The following CORO1C variants were observed in gnomAD, a reference collection of about 807,000 sequenced individuals.
CORO1C encodes coronin-1C.
A neutral mutation model predicts 51.2 loss-of-function variants in CORO1C; 14 were observed. The ratio of observed to expected loss-of-function variants is 0.27; its 90% confidence interval spans 0.18 to 0.43. CORO1C has a LOEUF of 0.43. CORO1C is among the 20% of genes least tolerant of loss of function. CORO1C has a pLI of 1.00. For missense variants in CORO1C, 417 were observed against 607.8 expected (o/e 0.69, Z 3.30); for synonymous variants, 181 against 210.5 (o/e 0.86, Z 1.21).
intron 2 of CORO1C, among the ~76,000 whole-genome samples, chr12:108,690,305 A>C (rs1349037994): frequency 1.3e-5 from 2 of 152,230 alleles, no homozygotes; most frequent in Admixed American, 6.5e-5. Flanking sequence ...GCTCTGGAAT[A>C]AACCCTACAG....
chr12:108,702,822 C>T, intron 1 of CORO1C: 2 of 1,532,232 alleles, frequency 1.3e-6, no homozygotes, highest in Non-Finnish European at 1.7e-6. Flanking sequence ...TGAAAGTGGC[C>T]TCTCTCCAAT....
At chr12:108,708,130 A>ACACT (rs1466626239) in intron 1 of CORO1C, among the ~76,000 whole-genome samples, 1 of 152,234 alleles carries the variant, frequency 6.6e-6, no homozygotes, top group Non-Finnish European at 1.5e-5. Flanking sequence ...TCCTAGGTAT[A>ACACT]CACTCATAAG....
At chr12:108,677,239 CAGCCTA>C (rs996012778) in intron 3 of CORO1C, among the ~76,000 whole-genome samples, 55 of 152,318 alleles carry the variant, frequency 3.6e-4, no homozygotes, top group African/African-American at 1.3e-3. Flanking sequence ...CTAACCTTTT[CAGCCTA>C]CTTTGGGCTA....
Position 108,701,144 on chromosome 12 carries a change from G to A in CORO1C, c.175C>T (p.Leu59Phe), listed in dbSNP as rs771485925. The change falls in exon 2 of 11, where the codon CTT becomes TTT. Residue 59 changes from leucine (L) to phenylalanine (F), a missense_variant. Coordinates refer to ENST00000261401, the MANE Select transcript of CORO1C (RefSeq NM_014325.4). Reference sequence around the variant, plus strand: ...CCTACCTTGTGCAGAGGGAGGACAAGGAACGCTCCTCCCCCACTTGCCTCT... The same window carrying A: ...CCTACCTTGTGCAGAGGGAGGACAAAGAACGCTCCTCCCCCACTTGCCTCT... ...IIEASGGGAF[L>F]VLPLHKTGRI... The A allele has an allele frequency of 1.2e-5, 20 of 1,614,142 alleles. No homozygotes were observed. In the South Asian group the frequency reaches 2.2e-4, roughly 18 times the overall value.
At chr12:108,689,052 T>C (rs1371468907) in intron 2 of CORO1C, among the ~76,000 whole-genome samples, 1 of 136,426 alleles carries the variant, frequency 7.3e-6, no homozygotes, top group African/African-American at 2.8e-5. Flanking sequence ...AAAAAAAAAT[T>C]AGCCGGGCAT....
chr12:108,709,386 C>A (rs1478373185), intron 1 of CORO1C, among the ~76,000 whole-genome samples: 1 of 152,124 alleles, frequency 6.6e-6, no homozygotes, highest in Admixed American at 6.5e-5. Context: ...GAACCGGCAC[C>A]ACTTATCAAG....
chr12:108,713,355 A>T (rs1197527947), intron 1 of CORO1C, among the ~76,000 whole-genome samples: 2 of 152,222 alleles, frequency 1.3e-5, no homozygotes, highest in Admixed American at 1.3e-4. Context: ...AATTGATTAT[A>T]ACACCAGGAA....
intron 1 of CORO1C, chr12:108,703,101 A>G (rs2034926245): frequency 4.8e-6 from 3 of 622,006 alleles, no homozygotes; most frequent in South Asian, 2.9e-5. Flanking sequence ...ACAAAAGCCA[A>G]CGTACAGCCA....
chr12:108,685,494 TA>T (rs2034263319), intron 2 of CORO1C, among the ~76,000 whole-genome samples: 1 of 152,026 alleles, frequency 6.6e-6, no homozygotes, highest in African/African-American at 2.4e-5. Flanking sequence ...CTTATCACCC[TA>T]TTTTCCAAAT....
At position 108,680,331 on chromosome 12, in the gene CORO1C, G is replaced by A. The variant is rs1402428752; in HGVS notation, c.196-1937C>T. Among the ~76,000 whole-genome samples the A allele has an allele frequency of 2.0e-5, 3 of 152,302 alleles. No individual in the cohort carries two copies. In the East Asian group the frequency reaches 5.8e-4, roughly 29 times the overall value. On this transcript the variant is annotated intron_variant, in intron 2 of 10. Coordinates refer to ENST00000261401, the MANE Select transcript of CORO1C (RefSeq NM_014325.4). ...GCCCTGTTTACAGACCTAAGGCCTA[G>A]GTTTCTTCACATTCCTCCACTTTCC...
At position 108,658,336 on chromosome 12, in the gene CORO1C, A is replaced by C. The variant is rs1291504587; in HGVS notation, c.630+402T>G. Among the ~76,000 whole-genome samples the C allele has an allele frequency of 3.3e-5, 5 of 152,108 alleles. No individual in the cohort carries two copies. The highest frequency in any genetic ancestry group is 5.9e-5 in the Non-Finnish European group (4 of 68,006). On this transcript the variant is annotated intron_variant, in intron 5 of 10. Coordinates refer to ENST00000261401, the MANE Select transcript of CORO1C (RefSeq NM_014325.4). The surrounding 1 kb of genome is among the most constrained non-coding windows in gnomAD (Gnocchi z 4.9). Reference sequence around the variant, plus strand: ...GCTGGGATTACAAGTGTGAGCCACCATGCCCGGCCACCTGTTGCATCTTTA... The same window carrying C: ...GCTGGGATTACAAGTGTGAGCCACCCTGCCCGGCCACCTGTTGCATCTTTA...
intron 7 of CORO1C, among the ~76,000 whole-genome samples, chr12:108,652,837 A>T (rs2032739995): frequency 3.4e-5 from 1 of 29,556 alleles, no homozygotes; most frequent in African/African-American, 1.8e-4. Context: ...GGCATAACGC[A>T]ATGCTGTTAT....
chr12:108,674,502 C>T (rs927944423), intron 3 of CORO1C, among the ~76,000 whole-genome samples: 2 of 148,992 alleles, frequency 1.3e-5, no homozygotes, highest in African/African-American at 5.0e-5. Flanking sequence ...GAGCCGAGAT[C>T]GTACCACTGC....
At chr12:108,661,433 T>C (rs942397023) in intron 4 of CORO1C, among the ~76,000 whole-genome samples, 3 of 152,212 alleles carry the variant, frequency 2.0e-5, no homozygotes, top group Non-Finnish European at 2.9e-5. Context: ...CCCATCTCTG[T>C]ATGTAAAATA....
At chr12:108,676,426 G>A (rs2033911756) in intron 3 of CORO1C, among the ~76,000 whole-genome samples, 1 of 152,182 alleles carries the variant, frequency 6.6e-6, no homozygotes, top group Admixed American at 6.5e-5. Context: ...GGGAGAGCCA[G>A]AGATGGATCA....
intron 1 of CORO1C, among the ~76,000 whole-genome samples, chr12:108,724,132 AC>A (rs1342958090): frequency 6.6e-6 from 1 of 152,194 alleles, no homozygotes; most frequent in Non-Finnish European, 1.5e-5. Context: ...TACATGCACA[AC>A]CTGAATATGT....
intron 2 of CORO1C, among the ~76,000 whole-genome samples, chr12:108,692,485 C>A (rs1367346408): frequency 6.6e-6 from 1 of 152,232 alleles, no homozygotes; most frequent in African/African-American, 2.4e-5. Flanking sequence ...CAGGTGCTGG[C>A]AAAGACTGTG....
In CORO1C at chr12:108,661,687, C is replaced by G. The variant is rs569170903; in HGVS notation, c.448+342G>C. Among the ~76,000 whole-genome samples the G allele has an allele frequency of 3.9e-5, 6 of 152,126 alleles. No individual in the cohort carries two copies. The South Asian group carries it at 1.2e-3, about 31-fold the overall frequency. On this transcript the variant is annotated intron_variant, in intron 4 of 10. Coordinates refer to ENST00000261401, the MANE Select transcript of CORO1C (RefSeq NM_014325.4). ...GCAACACCACAGAGGGAACACAGGG[C>G]TTCTGGCTCCCAACAAAGTACACCT...
chr12:108,691,448 T>TA (rs1455975483), intron 2 of CORO1C, among the ~76,000 whole-genome samples: 5 of 152,238 alleles, frequency 3.3e-5, no homozygotes, highest in Non-Finnish European at 7.3e-5. Context: ...TTACCGGAGA[T>TA]ACAGCAGCTT....
Sources: gnomAD v4.1 joint callset for allele counts (sites outside exome capture counted in the v4.1 genomes callset) on GRCh38, gnomAD v4.1.1 for gene constraint, Gnocchi (gnomAD v3.1) non-coding constraint, MANE v1.5 for transcripts, NCBI Gene and HGNC (gene_info 2026-07-23, HGNC 2026-07-21) for gene names.